BRCA1: variants seen among roughly 807,000 people sequenced by gnomAD.
The protein encoded by BRCA1 is breast cancer type 1 susceptibility protein.
BRCA1 carries 140 observed loss-of-function variants against 173.7 expected under a neutral mutation model. That is an observed-to-expected ratio of 0.81 (90% CI 0.70 to 0.93). The LOEUF (loss-of-function observed/expected upper bound fraction) is 0.93, where lower values mean the gene tolerates loss of function less well. Among genes scored for constraint, BRCA1 ranks in the 40% least tolerant of loss-of-function variants. The probability of loss-of-function intolerance (pLI) is 0.00; values close to 1 mark genes in which losing one functional copy is unlikely to be tolerated. For missense variants in BRCA1, 1,983 were observed against 2,172.5 expected (o/e 0.91, Z 1.73); for synonymous variants, 662 against 756.0 (o/e 0.88, Z 2.04).
intron 14 of BRCA1, among the ~76,000 whole-genome samples, chr17:43,071,485 G>C (rs1426712680): frequency 6.6e-6 from 1 of 152,086 alleles, no homozygotes. Context: ...ATATATCCTA[G>C]GGAGATAAAA....
At chr17:43,134,212 T>C (rs1394544096) in intron 1 of BRCA1, among the ~76,000 whole-genome samples, 2 of 152,200 alleles carry the variant, frequency 1.3e-5, no homozygotes, top group Non-Finnish European at 2.9e-5. Flanking sequence ...GGTGGGCTCA[T>C]GGTCCATTTG....
At chr17:43,131,782 T>C (rs919769766) in intron 1 of BRCA1, among the ~76,000 whole-genome samples, 1 of 152,074 alleles carries the variant, frequency 6.6e-6, no homozygotes, top group Non-Finnish European at 1.5e-5. Context: ...CTTTCTTTGC[T>C]TTGCTTTTCT....
At chr17:43,165,922 A>G (rs1385728585) in intron 1 of BRCA1, 2 of 151,378 alleles carry the variant, frequency 1.3e-5, no homozygotes, top group Admixed American at 6.6e-5. Context: ...AACTTAAAGT[A>G]TAATAATAAT....
chr17:43,155,008 C>T (rs1257185066), intron 1 of BRCA1, among the ~76,000 whole-genome samples: 1 of 152,124 alleles, frequency 6.6e-6, no homozygotes, highest in African/African-American at 2.4e-5. Context: ...AAGGCAAACC[C>T]TGAGCAGGAC....
chr17:43,111,958 C>A (rs111564316), intron 3 of BRCA1, among the ~76,000 whole-genome samples: 9 of 152,254 alleles, frequency 5.9e-5, no homozygotes, highest in African/African-American at 1.9e-4. Flanking sequence ...ACAATTAATA[C>A]AACAAAAGCA....
chr17:43,130,277 T>C (rs2055954644), upstream of BRCA1, among the ~76,000 whole-genome samples: 1 of 152,104 alleles, frequency 6.6e-6, no homozygotes, highest in African/African-American at 2.4e-5. Flanking sequence ...GCCTCCCAAA[T>C]TGCTAGGATT....
At chr17:43,158,203 G>T (rs2056210221) in intron 1 of BRCA1, among the ~76,000 whole-genome samples, 1 of 152,064 alleles carries the variant, frequency 6.6e-6, no homozygotes, top group African/African-American at 2.4e-5. Flanking sequence ...CTGTCCCATG[G>T]AAATGTAATG....
chr17:43,141,165 C>T (rs571121884), intron 1 of BRCA1, among the ~76,000 whole-genome samples: 46 of 152,236 alleles, frequency 3.0e-4, no homozygotes, highest in African/African-American at 7.9e-4. Context: ...GGATGGGCAC[C>T]GGCCTGGGAG....
chr17:43,129,359 T>C (rs1294993920), upstream of BRCA1, among the ~76,000 whole-genome samples: 2 of 152,260 alleles, frequency 1.3e-5, no homozygotes, highest in Admixed American at 6.5e-5. Context: ...TTTCTCTTAG[T>C]TGGCCCACCA....
At chr17:43,104,815 T>C (rs2154551240) in intron 5 of BRCA1, 53 bp downstream of exon 5, 1 of 1,496,522 alleles carries the variant, frequency 6.7e-7, no homozygotes. Context: ...GCAAACTTCC[T>C]GAGTTTTCAT....
rs863224757 is a variant in BRCA1, at chr17:43,104,856, T to G, written c.301+12A>C. ...GCACTTGAGTGTCATTCTTGGGATA[T>G]TCAACACTTACACTCCAAACCTGTG... On this transcript the variant is annotated intron_variant, in intron 5 of 22. Coordinates refer to ENST00000357654, the MANE Select transcript of BRCA1 (RefSeq NM_007294.4). 6 of 1,608,442 alleles carry G rather than the reference T, an allele frequency of 3.7e-6. No homozygotes were observed. The highest frequency in any genetic ancestry group is 3.3e-5 in the Admixed American group (2 of 59,972).
chr17:43,152,772 G>A (rs369959637), intron 1 of BRCA1, among the ~76,000 whole-genome samples: 12 of 152,122 alleles, frequency 7.9e-5, no homozygotes, highest in African/African-American at 2.6e-4. Context: ...GGACAATGGC[G>A]TGAACCTGGG....
At chr17:43,146,543 C>T (rs2056123202) in intron 1 of BRCA1, among the ~76,000 whole-genome samples, 2 of 151,846 alleles carry the variant, frequency 1.3e-5, no homozygotes, top group Non-Finnish European at 2.9e-5. Flanking sequence ...CTCCTGACCT[C>T]GTGATCTGCC....
intron 2 of BRCA1, among the ~76,000 whole-genome samples, chr17:43,122,056 C>A (rs2055603566): frequency 6.6e-6 from 1 of 152,076 alleles, no homozygotes; most frequent in South Asian, 2.1e-4. Context: ...ATTGTGAATC[C>A]TGTTTTCCTC....
intron 3 of BRCA1, among the ~76,000 whole-genome samples, chr17:43,108,993 C>G (rs1440417504): frequency 6.6e-6 from 1 of 151,998 alleles, no homozygotes; most frequent in Non-Finnish European, 1.5e-5. Context: ...AACTCCATCT[C>G]AAAAACAAAA....
chr17:43,074,214 T>A (rs2052578172), intron 14 of BRCA1, 117 bp downstream of exon 14: 3 of 1,009,002 alleles, frequency 3.0e-6, no homozygotes, highest in East Asian at 2.5e-5. Flanking sequence ...TAATTAAGTA[T>A]AACAAAAGTG....
intron 1 of BRCA1, among the ~76,000 whole-genome samples, chr17:43,136,884 G>C (rs1040008747): frequency 6.6e-6 from 1 of 152,174 alleles, no homozygotes; most frequent in Non-Finnish European, 1.5e-5. Flanking sequence ...GATTCCTCAA[G>C]GATCTAGAAC....
chr17:43,090,357 T>C (rs1178166364), intron 11 of BRCA1, among the ~76,000 whole-genome samples: 1 of 152,084 alleles, frequency 6.6e-6, no homozygotes, highest in Non-Finnish European at 1.5e-5. Flanking sequence ...GTTTTTGCTA[T>C]AGGGGAAATG....
Position 43,114,220 on chromosome 17 carries a change from A to G in BRCA1, c.134+1506T>C, listed in dbSNP as rs561326470. On this transcript the variant is annotated intron_variant, in intron 3 of 22. Coordinates refer to ENST00000357654, the MANE Select transcript of BRCA1 (RefSeq NM_007294.4). ...AGTGCTGGGGTTATGGGCAGGAGCT[A>G]CCACACTGGGCCCTTGAGTCCCTGT... Among the ~76,000 whole-genome samples, 4 of 152,236 alleles carry G rather than the reference A, an allele frequency of 2.6e-5. No homozygotes were observed. The East Asian group carries it at 5.8e-4, about 22-fold the overall frequency.
Sources: allele counts gnomAD v4.1 joint callset (sites outside exome capture counted in the v4.1 genomes callset), GRCh38; gene constraint gnomAD v4.1.1; transcripts MANE v1.5; gene names NCBI Gene and HGNC (gene_info 2026-07-23, HGNC 2026-07-21).